PPIB: variants seen among roughly 807,000 people sequenced by gnomAD.
PPIB encodes peptidyl-prolyl cis-trans isomerase B.
PPIB carries 15 observed loss-of-function variants against 20.1 expected under a neutral mutation model. The ratio of observed to expected loss-of-function variants is 0.75; its 90% CI spans 0.50 to 1.15. The LOEUF (loss-of-function observed/expected upper bound fraction) is 1.15. Among genes scored for constraint, PPIB ranks in the 50% most tolerant of loss-of-function variants. The pLI is 0.00. For missense variants in PPIB, 278 were observed against 283.0 expected (o/e 0.98, Z 0.13); for synonymous variants, 129 against 111.0 (o/e 1.16, Z -1.02).
Position 64,159,949 on chromosome 15 carries a change from A to G in PPIB, c.343+155T>C. On this transcript the variant is annotated intron_variant, in intron 3 of 4. Transcript: ENST00000300026. This position sits in a 1 kb window ranked among gnomAD's most constrained non-coding sequence, Gnocchi z 5.1. ...TCCTTTGTACTGGGTTCCCTCTTCA[A>G]AGAAGGGTGCCGCTGGTCTCAAAGT... 2.8e-6 allele frequency: 2 copies of G among 719,686 alleles called. No individual in the cohort carries two copies. The highest frequency in any genetic ancestry group is 5.0e-6 in the Non-Finnish European group (2 of 396,778). 44.6% of individuals were successfully genotyped at this position (719,686 alleles called of 1,614,324 possible). A position where few individuals can be genotyped will look rare whatever the true frequency, so the allele number is the denominator to read the frequency against.
rs1453660198 is a variant in PPIB at position 64,157,713 on chromosome 15, G to C, written c.344-804C>G. Among the ~76,000 whole-genome samples the C allele has an allele frequency of 1.3e-5, 2 of 152,116 alleles. No individual in the cohort carries two copies. The highest frequency in any genetic ancestry group is 3.9e-4 in the East Asian group (2 of 5,194). On this transcript the variant is annotated intron_variant, in intron 3 of 4. Coordinates refer to ENST00000300026, the MANE Select transcript of PPIB (RefSeq NM_000942.5). The surrounding 1 kb of genome is among the most constrained non-coding windows in gnomAD (Gnocchi z 4.2). ...TATCTAACACCTTTCAAACATATTT[G>C]CATGCAAAACTCTTTTTTCCTTCTC...
Position 64,155,824 on chromosome 15 carries a change from A to T in PPIB, c.*199T>A. ...CCAGGCCCACACATTATATATTAAA[A>T]AAAAAAAAACCCACATTTTTTTTTA... On this transcript the variant is annotated 3_prime_UTR_variant, in exon 5 of 5. Coordinates refer to ENST00000300026, the MANE Select transcript of PPIB (RefSeq NM_000942.5). 1.3e-6 allele frequency: 1 copy of T among 742,678 alleles called. No individual in the cohort carries two copies. Among genetic ancestry groups the T allele is most frequent in the Non-Finnish European group, 2.1e-6 (1 of 467,112 alleles). The allele number at this position is 742,678 out of a possible 1,614,324, so 46.0% of individuals were successfully genotyped here.
chr15:64,156,708 T>G lies in PPIB; in HGVS notation c.528+17A>C. On this transcript the variant is annotated intron_variant, in intron 4 of 4. Transcript: ENST00000300026. The surrounding 1 kb of genome is among the most constrained non-coding windows in gnomAD (Gnocchi z 6.4). Reference sequence around the variant, plus strand: ...GGTGAGGATTGCCCAGTAGTAGCCCTTGCTTCCACAACTCACCATGCCCTC... The same window carrying G: ...GGTGAGGATTGCCCAGTAGTAGCCCGTGCTTCCACAACTCACCATGCCCTC... 1 of 1,614,086 alleles carries G rather than the reference T, an allele frequency of 6.2e-7. No individual in the cohort carries two copies. Among genetic ancestry groups the G allele is most frequent in the East Asian group, 2.2e-5 (1 of 44,880 alleles).
chr15:64,162,128 A>G lies in PPIB; in HGVS notation c.162T>C (p.Asp54=), dbSNP rs886751333. Residue 54 remains aspartate (D), a synonymous_variant, in exon 2 of 5, where the codon GAT becomes GAC. Transcript: ENST00000300026. Reference sequence around the variant, plus strand: ...CAAAGATCACCCGGCCTACATCTTCATCTCCAATTCGTAGGTCAAAATACA... The same window carrying G: ...CAAAGATCACCCGGCCTACATCTTCGTCTCCAATTCGTAGGTCAAAATACA... The part of the protein sequence containing the change: ...VKVYFDLRIG[D]EDVGRVIFGL... The G allele has an allele frequency of 6.2e-7, 1 of 1,613,986 alleles. No individual in the cohort carries two copies. The highest frequency in any genetic ancestry group is 1.3e-5 in the African/African-American group (1 of 75,042).
In PPIB at chr15:64,160,083, G is replaced by C. The variant is rs775573475; in HGVS notation, c.343+21C>G. The C allele has an allele frequency of 4.4e-6, 7 of 1,584,454 alleles. No individual in the cohort carries two copies. The African/African-American group carries it at 5.4e-5, about 12-fold the overall frequency. On this transcript the variant is annotated intron_variant, in intron 3 of 4. Coordinates refer to ENST00000300026, the MANE Select transcript of PPIB (RefSeq NM_000942.5). This position sits in a 1 kb window ranked among gnomAD's most constrained non-coding sequence, Gnocchi z 4.8. ...GGAGGCTACACTGACATACTCCTTG[G>C]CCCAGAGGACCTGTGGTTACCTCCT...
At chr15:64,162,736 C>T (rs1033417553) in intron 1 of PPIB, 116 bp downstream of exon 1, 1 of 1,510,118 alleles carries the variant, frequency 6.6e-7, no homozygotes, top group South Asian at 1.2e-5. Context: ...GGCAGGACGG[C>T]CCAGACGCCA....
intron 1 of PPIB, among the ~76,000 whole-genome samples, chr15:64,162,468 C>T (rs544652192): frequency 6.6e-6 from 1 of 152,314 alleles, no homozygotes; most frequent in Non-Finnish European, 1.5e-5. Flanking sequence ...CCTAAGTTCA[C>T]CACTTAAGTT....
rs1245389002 is a variant in PPIB at position 64,159,459 on chromosome 15, G to C, written c.343+645C>G. On this transcript the variant is annotated intron_variant, in intron 3 of 4. Transcript: ENST00000300026. This position sits in a 1 kb window ranked among gnomAD's most constrained non-coding sequence, Gnocchi z 5.1. ...TCTGTCGCCCAGGCTGGAGTGCAGT[G>C]GCGTGATTTCGGCTCACTGCAACCT... The C allele has an allele frequency of 6.4e-6, 1 of 156,336 alleles. No individual in the cohort carries two copies. The highest frequency in any genetic ancestry group is 1.9e-4 in the East Asian group (1 of 5,268). 9.7% of individuals were successfully genotyped at this position (156,336 alleles called of 1,614,324 possible).
chr15:64,160,192 T>C lies in PPIB; in HGVS notation c.255A>G (p.Gly85=), dbSNP rs1317320371. 2.5e-6 allele frequency: 4 copies of C among 1,611,852 alleles called. No individual in the cohort carries two copies. The highest frequency in any genetic ancestry group is 3.4e-6 in the Non-Finnish European group (4 of 1,177,934). Residue 85 remains glycine, a synonymous_variant, in exon 3 of 5, where the codon GGA becomes GGG. Transcript: ENST00000300026. The surrounding 1 kb of genome is among the most constrained non-coding windows in gnomAD (Gnocchi z 4.8). ...NFVALATGEK[G]FGYKNSKFHR... is the part of the protein sequence containing the mutation. Reference sequence around the variant, plus strand: ...GGAATTTGCTGTTTTTGTAGCCAAATCCTTTCTAGAAAAAGGGAAGAGAAG... The same window carrying C: ...GGAATTTGCTGTTTTTGTAGCCAAACCCTTTCTAGAAAAAGGGAAGAGAAG...
rs2081524875 is a variant in PPIB, at chr15:64,155,819, T to G, written c.*204A>C. 1.9e-6 allele frequency: 1 copy of G among 523,192 alleles called. No homozygotes were observed. Among genetic ancestry groups the G allele is most frequent in the East Asian group, 4.0e-5 (1 of 25,226 alleles). 32.4% of individuals were successfully genotyped at this position (523,192 alleles called of 1,614,324 possible). On this transcript the variant is annotated 3_prime_UTR_variant, in exon 5 of 5. Transcript: ENST00000300026. Reference sequence around the variant, plus strand: ...AAGAACCAGGCCCACACATTATATATTAAAAAAAAAAAAACCCACATTTTT... The same window carrying G: ...AAGAACCAGGCCCACACATTATATAGTAAAAAAAAAAAAACCCACATTTTT...
In PPIB at chr15:64,159,179, G is replaced by A. The variant is rs1490070591; in HGVS notation, c.343+925C>T. On this transcript the variant is annotated intron_variant, in intron 3 of 4. Transcript: ENST00000300026. The surrounding 1 kb of genome is among the most constrained non-coding windows in gnomAD (Gnocchi z 5.1). ...AAGTAAAAGGGAGCCACTGCCCCATGGGTCTTCACATCCTCAACCCCCACC... is the reference window on the plus strand; with the variant it reads ...AAGTAAAAGGGAGCCACTGCCCCATAGGTCTTCACATCCTCAACCCCCACC... 1 of 152,212 alleles carries A rather than the reference G, an allele frequency of 6.6e-6. No homozygotes were observed. 9.4% of individuals were successfully genotyped at this position (152,212 alleles called of 1,614,324 possible).
At chr15:64,162,212 G>A in intron 1 of PPIB, 58 bp from the exon 2 acceptor site, 1 of 1,232,774 alleles carries the variant, frequency 8.1e-7, no homozygotes, top group Non-Finnish European at 1.2e-6. Flanking sequence ...CTAGGGGAGG[G>A]AAGGTACAAG....
At position 64,157,141 on chromosome 15, in the gene PPIB, G is replaced by C; in HGVS notation, c.344-232C>G. 1 of 583,706 alleles carries C rather than the reference G, an allele frequency of 1.7e-6. No individual in the cohort carries two copies. The highest frequency in any genetic ancestry group is 3.1e-6 in the Non-Finnish European group (1 of 327,532). The allele number at this position is 583,706 out of a possible 1,614,324, so 36.2% of individuals were successfully genotyped here. On this transcript the variant is annotated intron_variant, in intron 3 of 4. Coordinates refer to ENST00000300026, the MANE Select transcript of PPIB (RefSeq NM_000942.5). This position sits in a 1 kb window ranked among gnomAD's most constrained non-coding sequence, Gnocchi z 4.2. ...CTGATGTGGTGAACAGCTCACAGAA[G>C]GATTACTTTGAGAAGATAGTTTTGT...
Position 64,160,223 on chromosome 15 carries a change from G to A in PPIB, c.250-26C>T, listed in dbSNP as rs1431381234. On this transcript the variant is annotated intron_variant, in intron 2 of 4. Coordinates refer to ENST00000300026, the MANE Select transcript of PPIB (RefSeq NM_000942.5). The surrounding 1 kb of genome is among the most constrained non-coding windows in gnomAD (Gnocchi z 4.8). Reference sequence around the variant, plus strand: ...CTAGAAAAAGGGAAGAGAAGGTAAGGAGGTGGTATGGGGCAGCAGGAAGAC... The same window carrying A: ...CTAGAAAAAGGGAAGAGAAGGTAAGAAGGTGGTATGGGGCAGCAGGAAGAC... 6.4e-7 allele frequency: 1 copy of A among 1,562,298 alleles called. No individual in the cohort carries two copies. Among genetic ancestry groups the A allele is most frequent in the African/African-American group, 1.4e-5 (1 of 73,728 alleles).
rs1250124752 is a variant in PPIB, at chr15:64,155,995, G to A, written c.*28C>T. On this transcript the variant is annotated 3_prime_UTR_variant, in exon 5 of 5. Transcript: ENST00000300026. ...GCGGACTACAGGGCCTGCACAGACG[G>A]TCACTCAAAGAAAGATGTCCCTGTG... is the stretch of plus-strand genomic sequence containing the variant. The A allele has an allele frequency of 6.2e-7, 1 of 1,614,060 alleles. No individual in the cohort carries two copies. Among genetic ancestry groups the A allele is most frequent in the Middle Eastern group, 1.7e-4 (1 of 6,058 alleles).
In PPIB at chr15:64,162,929, C is replaced by T; in HGVS notation, c.58G>A (p.Gly20Arg). 1.9e-6 allele frequency: 3 copies of T among 1,613,608 alleles called. No individual in the cohort carries two copies. Among genetic ancestry groups the T allele is most frequent in the Non-Finnish European group, 2.5e-6 (3 of 1,179,888 alleles). ...GGCAGCAGCAGGAAGAAGACGGACC[C>T]CGCGATGAGGGCGGCGGCAAGGAGC... ...KVLLAAALIAGSVFFLLLPGP... is the reference protein window; with the variant it reads ...KVLLAAALIARSVFFLLLPGP... The change falls in exon 1 of 5, where the codon GGG (glycine) becomes AGG (arginine). Residue 20 changes from glycine (G) to arginine (R), a missense_variant. Physicochemically the swap from Gly to Arg is moderately radical, Grantham distance 125. Transcript: ENST00000300026.
In PPIB at chr15:64,156,889, G is replaced by A. The variant is rs886051322; in HGVS notation, c.364C>T (p.Arg122Cys). The change falls in exon 4 of 5, where the codon CGC (arginine) becomes TGC (cysteine). Residue 122 changes from arginine (R) to cysteine (C), a missense_variant. Transcript: ENST00000300026. This position sits in a 1 kb window ranked among gnomAD's most constrained non-coding sequence, Gnocchi z 6.4. Reference protein sequence around the residue: ...GTGGKSIYGERFPDENFKLKH... With the variant: ...GTGGKSIYGECFPDENFKLKH... ...AGTTTGAAGTTCTCATCGGGGAAGC[G>A]CTCACCGTAGATGCTCTTTCCTGGG... The A allele has an allele frequency of 1.3e-5, 21 of 1,614,102 alleles. No homozygotes were observed. Among genetic ancestry groups the A allele is most frequent in the East Asian group, 2.2e-5 (1 of 44,876 alleles).
Position 64,156,655 on chromosome 15 carries a change from C to T in PPIB, c.528+70G>A, listed in dbSNP as rs1319047166. The T allele has an allele frequency of 6.3e-7, 1 of 1,582,140 alleles. No homozygotes were observed. Among genetic ancestry groups the T allele is most frequent in the African/African-American group, 1.3e-5 (1 of 74,196 alleles). ...GGGAAAGGGATGGACACATGGAGCT[C>T]CTGCCCTGGGGTCTGTGTTGAATCC... On this transcript the variant is annotated intron_variant, in intron 4 of 4. Transcript: ENST00000300026. The surrounding 1 kb of genome is among the most constrained non-coding windows in gnomAD (Gnocchi z 6.4).
At position 64,156,854 on chromosome 15, in the gene PPIB, G is replaced by A. The variant is rs373618000; in HGVS notation, c.399C>T (p.Tyr133=). 27 of 1,614,070 alleles carry A rather than the reference G, an allele frequency of 1.7e-5. No homozygotes were observed. Among genetic ancestry groups the A allele is most frequent in the Non-Finnish European group, 1.8e-5 (21 of 1,180,030 alleles). The stretch of plus-strand genomic sequence containing the variant: ...TGGCCATGCTCACCCAGCCAGGCCC[G>A]TAGTGCTTCAGTTTGAAGTTCTCAT... ...FPDENFKLKH[Y]GPGWVSMANA... Residue 133 remains tyrosine (Y), a synonymous_variant, in exon 4 of 5, where the codon TAC becomes TAT. Coordinates refer to ENST00000300026, the MANE Select transcript of PPIB (RefSeq NM_000942.5). This position sits in a 1 kb window ranked among gnomAD's most constrained non-coding sequence, Gnocchi z 6.4.
Sources: gnomAD v4.1 joint callset for allele counts (sites outside exome capture counted in the v4.1 genomes callset) on GRCh38, gnomAD v4.1.1 for gene constraint, Gnocchi (gnomAD v3.1) non-coding constraint, MANE v1.5 for transcripts, NCBI Gene and HGNC (gene_info 2026-07-23, HGNC 2026-07-21) for gene names.